The following STK32A variants were observed in gnomAD, a reference collection of about 807,000 sequenced individuals.
STK32A encodes the protein serine/threonine kinase 32A, also known as serine/threonine-protein kinase 32A.
In STK32A, 41 loss-of-function variants were observed where a neutral mutation model predicts 53.2. The observed-to-expected ratio is 0.77, with a 90% CI of 0.60 to 1.00. STK32A has a LOEUF of 1.00. STK32A is among the 50% of genes least tolerant of loss of function. STK32A has a pLI of 0.00. For missense variants in STK32A, 458 were observed against 485.8 expected, an observed-to-expected ratio of 0.94 and a Z score of 0.54; for synonymous variants, 166 against 162.8, an observed-to-expected ratio of 1.02 and a Z score of -0.15.
chr5:147,281,489 A>G (rs1354486005), intron 4 of STK32A, among the ~76,000 whole-genome samples: 1 of 152,194 alleles, frequency 6.6e-6, no homozygotes, highest in Non-Finnish European at 1.5e-5. Context: ...ATAGAATTGA[A>G]CAAGTAGAAG....
chr5:147,244,078 A>C (rs1342168593), intron 2 of STK32A, among the ~76,000 whole-genome samples: 1 of 152,114 alleles, frequency 6.6e-6, no homozygotes, highest in Non-Finnish European at 1.5e-5. Flanking sequence ...CAACCATTTG[A>C]CTTTATGTCT....
intron 6 of STK32A, 108 bp from the exon 7 acceptor site, chr5:147,350,957 T>C: frequency 1.2e-6 from 1 of 856,586 alleles, no homozygotes; most frequent in Non-Finnish European, 1.9e-6. Flanking sequence ...GGACTGCAAC[T>C]GGCCTACAAG....
intron 4 of STK32A, among the ~76,000 whole-genome samples, chr5:147,287,304 G>A (rs1266885867): frequency 1.3e-5 from 2 of 152,006 alleles, no homozygotes; most frequent in African/African-American, 4.8e-5. Flanking sequence ...TATGTTAAGT[G>A]GTGTTTCTTA....
At chr5:147,364,242 T>G (rs914977045) in intron 8 of STK32A, among the ~76,000 whole-genome samples, 2 of 146,440 alleles carry the variant, frequency 1.4e-5, no homozygotes, top group Non-Finnish European at 3.0e-5. Flanking sequence ...AAAAGAAATC[T>G]CCTCAGCTAA....
intron 5 of STK32A, among the ~76,000 whole-genome samples, chr5:147,333,585 G>A (rs1169159279): frequency 6.6e-6 from 1 of 152,118 alleles, no homozygotes; most frequent in African/African-American, 2.4e-5. Flanking sequence ...AATGAAGATA[G>A]CTATACATAC....
chr5:147,316,474 A>G (rs926205668), intron 4 of STK32A, among the ~76,000 whole-genome samples: 1 of 152,216 alleles, frequency 6.6e-6, no homozygotes, highest in South Asian at 2.1e-4. Flanking sequence ...ATGATCTAAC[A>G]TGACTATGTT....
At chr5:147,253,310 G>A (rs189216121) in intron 2 of STK32A, among the ~76,000 whole-genome samples, 29 of 152,156 alleles carry the variant, frequency 1.9e-4, no homozygotes, top group African/African-American at 6.3e-4. Context: ...GTGGCATGAG[G>A]GAAGAGAAGA....
At chr5:147,375,290 A>G (rs1297044743) in intron 11 of STK32A, 72 bp downstream of exon 11, 2 of 1,536,328 alleles carry the variant, frequency 1.3e-6, no homozygotes, top group Non-Finnish European at 1.7e-6. Flanking sequence ...GAGAGCTTCT[A>G]CTGGGAGGTC....
At position 147,247,758 on chromosome 5, in the gene STK32A, T is replaced by A. The variant is rs897384031; in HGVS notation, c.52+8072T>A. Among the ~76,000 whole-genome samples, 7 of 152,306 alleles carry A rather than the reference T, an allele frequency of 4.6e-5. No individual in the cohort carries two copies. The East Asian group carries it at 1.4e-3, about 29-fold the overall frequency. ...AAAACTTTATTTATGGACACTGAAA[T>A]GTGAATTTCAAAAATATTTTTTGCA... On this transcript the variant is annotated intron_variant, in intron 2 of 12. Transcript: ENST00000397936.
chr5:147,305,252 C>A (rs1753346159), intron 4 of STK32A, among the ~76,000 whole-genome samples: 1 of 152,066 alleles, frequency 6.6e-6, no homozygotes, highest in South Asian at 2.1e-4. Context: ...GAAAGAAAAA[C>A]CCTCAGCAAA....
intron 4 of STK32A, among the ~76,000 whole-genome samples, chr5:147,300,765 G>A (rs1467630551): frequency 6.6e-6 from 1 of 152,152 alleles, no homozygotes; most frequent in Non-Finnish European, 1.5e-5. Flanking sequence ...AGTGAATTTG[G>A]TCAGTTATGT....
chr5:147,268,452 T>TA (rs199524964), intron 2 of STK32A, among the ~76,000 whole-genome samples: 13,238 of 151,334 alleles, frequency 0.087, 648 homozygotes, highest in Admixed American at 0.13. Context: ...TCTATTTTGG[T>TA]AAAAAAAAAG....
the STK32A span, among the ~76,000 whole-genome samples, chr5:147,398,615 A>G: frequency 1.3e-5 from 2 of 152,222 alleles, no homozygotes; most frequent in Non-Finnish European, 2.9e-5. Context: ...CTCATCGTGA[A>G]GAAGTCATCA....
chr5:147,393,655 C>T, the STK32A span: 1 of 203,474 alleles, frequency 4.9e-6, no homozygotes, highest in Non-Finnish European at 1.0e-5. Flanking sequence ...CACCCACTCA[C>T]CCCAAATAAC....
chr5:147,344,231 T>C (rs12514269), intron 6 of STK32A, among the ~76,000 whole-genome samples: 5 of 152,010 alleles, frequency 3.3e-5, no homozygotes, highest in African/African-American at 1.2e-4. Context: ...TATTTACCTA[T>C]TTTTGAGCCT....
rs115048834 is a variant in STK32A at position 147,262,749 on chromosome 5, T to C, written c.53-15375T>C. Among the ~76,000 whole-genome samples, 1,069 of 152,220 alleles carry C rather than the reference T, an allele frequency of 7.0e-3. 15 individuals are homozygous for C. The highest frequency in any genetic ancestry group is 0.024 in the African/African-American group (1,012 of 41,532). On this transcript the variant is annotated intron_variant, in intron 2 of 12. Coordinates refer to ENST00000397936, the MANE Select transcript of STK32A (RefSeq NM_001112724.2). ...AGGATGAAGAGACAGGCAGAAGAGC[T>C]TCACTATCAACGTTGCAGAAACTGG...
At chr5:147,361,651 A>C (rs1186034660) in intron 8 of STK32A, 37 bp downstream of exon 8, 30 of 1,411,594 alleles carry the variant, frequency 2.1e-5, no homozygotes, top group Non-Finnish European at 2.9e-5. Flanking sequence ...TTATTTTTCC[A>C]GCAAGTTCTA....
intron 7 of STK32A, 58 bp downstream of exon 7, chr5:147,351,212 G>GATTCCACC: frequency 7.1e-7 from 1 of 1,404,556 alleles, no homozygotes; most frequent in Non-Finnish European, 1.0e-6. Context: ...TTTATTACAG[G>GATTCCACC]TGGAATCATC....
chr5:147,238,092 G>T (rs779818874), intron 1 of STK32A, among the ~76,000 whole-genome samples: 1 of 152,172 alleles, frequency 6.6e-6, no homozygotes, highest in Non-Finnish European at 1.5e-5. Context: ...ATGTATCCAT[G>T]ACCATATATG....
Sources: allele counts gnomAD v4.1 joint callset (sites outside exome capture counted in the v4.1 genomes callset), GRCh38; gene constraint gnomAD v4.1.1; transcripts MANE v1.5; gene names NCBI Gene and HGNC (gene_info 2026-07-23, HGNC 2026-07-21).